Variants in PLXNA2 observed in about 807,000 individuals in gnomAD.
The protein encoded by PLXNA2 is plexin-A2.
Under a neutral mutation model 193.5 loss-of-function variants are expected in PLXNA2, and 91 were observed. That is an observed-to-expected ratio of 0.47 (90% confidence interval 0.40 to 0.56). The LOEUF is 0.56. PLXNA2 is among the 20% of genes least tolerant of loss of function. The pLI, the probability that PLXNA2 is intolerant of heterozygous loss-of-function variation, is 0.00. For missense variants in PLXNA2, 1,995 were observed against 2,503.2 expected, an observed-to-expected ratio of 0.80 and a Z score of 4.33; for synonymous variants, 997 against 1,027.3, an observed-to-expected ratio of 0.97 and a Z score of 0.56.
intron 4 of PLXNA2, among the ~76,000 whole-genome samples, chr1:208,124,844 C>T (rs1164050046): frequency 1.3e-5 from 2 of 151,746 alleles, no homozygotes; most frequent in Non-Finnish European, 2.9e-5. Context: ...GGAAATTGTC[C>T]ACAGCTAGGC....
chr1:208,113,607 T>C (rs1339084672), intron 4 of PLXNA2, among the ~76,000 whole-genome samples: 2 of 139,022 alleles, frequency 1.4e-5, no homozygotes, highest in South Asian at 2.3e-4. Context: ...TGGAGTGCAG[T>C]GGTATGATCT....
intron 3 of PLXNA2, among the ~76,000 whole-genome samples, chr1:208,164,935 G>A (rs368634310): frequency 9.0e-4 from 137 of 152,358 alleles, no homozygotes; most frequent in South Asian, 3.1e-3. Flanking sequence ...GGCTTAGGTG[G>A]GGGCCTTGCC....
At chr1:208,068,090 C>A (rs1241212137) in intron 12 of PLXNA2, among the ~76,000 whole-genome samples, 4 of 152,262 alleles carry the variant, frequency 2.6e-5, no homozygotes, top group Admixed American at 6.5e-5. Flanking sequence ...TGCATTGTAA[C>A]TGCTTATTCC....
intron 22 of PLXNA2, among the ~76,000 whole-genome samples, chr1:208,040,629 A>G (rs1664833605): frequency 6.6e-6 from 1 of 152,214 alleles, no homozygotes; most frequent in African/African-American, 2.4e-5. Context: ...CTATCACTAA[A>G]TGGAGACAGT....
Position 208,044,973 on chromosome 1 carries a change from C to T in PLXNA2, c.3639+94G>A. 1 of 1,454,230 alleles carries T rather than the reference C, an allele frequency of 6.9e-7. No homozygotes were observed. The highest frequency in any genetic ancestry group is 2.3e-5 in the East Asian group (1 of 43,920). 90.1% of individuals were successfully genotyped at this position (1,454,230 alleles called of 1,614,324 possible). On this transcript the variant is annotated intron_variant, in intron 19 of 31. Transcript: ENST00000367033. The surrounding 1 kb of genome is among the most constrained non-coding windows in gnomAD (Gnocchi z 4.9). ...ATGAGGAGATATGGAGGGGGTGAGT[C>T]AGGCAACGAGACAGAAGAGAGCCTT...
At chr1:208,051,136 A>C in intron 16 of PLXNA2, 34 bp from the exon 17 acceptor site, 2 of 1,601,834 alleles carry the variant, frequency 1.2e-6, no homozygotes, top group Non-Finnish European at 1.7e-6. Context: ...TAGGTAAAAA[A>C]CCCCCTCAAA....
intron 14 of PLXNA2, 22 bp from the exon 15 acceptor site, chr1:208,052,485 T>G: frequency 6.2e-7 from 1 of 1,613,012 alleles, no homozygotes; most frequent in Non-Finnish European, 8.5e-7. Context: ...AGCAGAGAAA[T>G]GACTACAGCT....
intron 17 of PLXNA2, among the ~76,000 whole-genome samples, chr1:208,048,506 C>A (rs1396811308): frequency 1.3e-5 from 2 of 152,206 alleles, no homozygotes; most frequent in Non-Finnish European, 2.9e-5. Flanking sequence ...AACTGAGGGC[C>A]CCCAGCTCCC....
intron 4 of PLXNA2, among the ~76,000 whole-genome samples, chr1:208,106,083 T>TTA (rs34336018): frequency 2.0e-5 from 3 of 151,134 alleles, no homozygotes; most frequent in Non-Finnish European, 4.4e-5. Context: ...TTTTTTTTTT[T>TTA]AATGCACTGA....
At chr1:208,098,704 CG>C in intron 6 of PLXNA2, 141 bp downstream of exon 6, 1 of 902,594 alleles carries the variant, frequency 1.1e-6, no homozygotes, top group Non-Finnish European at 1.7e-6. Flanking sequence ...CATTGCCATA[CG>C]TTTGCTATAA....
At chr1:208,223,371 G>A (rs1671407835) in intron 1 of PLXNA2, among the ~76,000 whole-genome samples, 1 of 152,154 alleles carries the variant, frequency 6.6e-6, no homozygotes, top group South Asian at 2.1e-4. Context: ...TTCCTCCATT[G>A]TAGGTGGAAG....
intron 3 of PLXNA2, among the ~76,000 whole-genome samples, chr1:208,177,475 T>C (rs1204647493): frequency 6.6e-6 from 1 of 152,234 alleles, no homozygotes; most frequent in African/African-American, 2.4e-5. Flanking sequence ...AAAGAGTTAA[T>C]ACATGCAAAG....
intron 9 of PLXNA2, among the ~76,000 whole-genome samples, chr1:208,085,742 C>T: frequency 6.6e-6 from 1 of 152,216 alleles, no homozygotes; most frequent in East Asian, 1.9e-4. Flanking sequence ...TGGCCCTTGC[C>T]TACCTCCCTC....
chr1:208,193,272 AT>A (rs1465198100), intron 3 of PLXNA2, among the ~76,000 whole-genome samples: 1 of 152,210 alleles, frequency 6.6e-6, no homozygotes, highest in Non-Finnish European at 1.5e-5. Context: ...TGACAAGGGC[AT>A]TGGTGTTAAC....
At chr1:208,075,659 C>T (rs1038407691) in intron 12 of PLXNA2, among the ~76,000 whole-genome samples, 1 of 152,166 alleles carries the variant, frequency 6.6e-6, no homozygotes, top group African/African-American at 2.4e-5. Context: ...ACAATTATTA[C>T]TTGTGTACTG....
chr1:208,111,266 C>G (rs1209718478), intron 4 of PLXNA2, among the ~76,000 whole-genome samples: 1 of 151,998 alleles, frequency 6.6e-6, no homozygotes, highest in Admixed American at 6.6e-5. Context: ...CAGAATCTCC[C>G]TATGTTTCCC....
intron 12 of PLXNA2, among the ~76,000 whole-genome samples, chr1:208,064,770 G>C (rs1309841659): frequency 6.6e-6 from 1 of 152,164 alleles, no homozygotes; most frequent in Admixed American, 6.5e-5. Flanking sequence ...GGCCAGGGAG[G>C]GGAGGCTTGG....
chr1:208,109,310 AGG>A (rs1667386100), intron 4 of PLXNA2, among the ~76,000 whole-genome samples: 5 of 151,390 alleles, frequency 3.3e-5, no homozygotes, highest in Admixed American at 3.3e-4. Context: ...CCCTCCCTGC[AGG>A]CCCACCCCTT....
chr1:208,190,301 C>T (rs941155019), intron 3 of PLXNA2, among the ~76,000 whole-genome samples: 2 of 152,154 alleles, frequency 1.3e-5, no homozygotes, highest in Admixed American at 6.5e-5. Context: ...GACTTTGGGG[C>T]TAGAAGACCT....
Sources: gnomAD v4.1 joint callset for allele counts (sites outside exome capture counted in the v4.1 genomes callset) on GRCh38, gnomAD v4.1.1 for gene constraint, Gnocchi (gnomAD v3.1) non-coding constraint, MANE v1.5 for transcripts, NCBI Gene and HGNC (gene_info 2026-07-23, HGNC 2026-07-21) for gene names.